TRPM3: variants seen among roughly 807,000 people sequenced by gnomAD.
TRPM3 encodes long transient receptor potential channel 3.
Under a neutral mutation model 181.2 loss-of-function variants are expected in TRPM3, and 77 were observed. The observed-to-expected ratio is 0.42, with a 90% CI of 0.35 to 0.51. TRPM3 has a LOEUF of 0.51. TRPM3 is among the 20% of genes least tolerant of loss of function. The pLI, the probability that TRPM3 is intolerant of heterozygous loss-of-function variation, is 0.01. For missense variants in TRPM3, 1,759 were observed against 2,196.7 expected (o/e 0.80, Z 3.98); for synonymous variants, 745 against 796.4 (o/e 0.94, Z 1.09).
At chr9:71,385,570 T>C (rs545541840) in intron 1 of TRPM3, among the ~76,000 whole-genome samples, 6 of 152,342 alleles carry the variant, frequency 3.9e-5, no homozygotes, top group Admixed American at 2.0e-4. Flanking sequence ...CACAATCATG[T>C]TGCAACCAGA....
At chr9:70,898,947 G>A (rs2096340573) in intron 1 of TRPM3, among the ~76,000 whole-genome samples, 1 of 152,028 alleles carries the variant, frequency 6.6e-6, no homozygotes, top group Admixed American at 6.6e-5. Context: ...GGAAACCTTT[G>A]CTTAATTGGT....
intron 1 of TRPM3, among the ~76,000 whole-genome samples, chr9:70,872,544 G>A (rs750781866): frequency 4.6e-5 from 7 of 151,890 alleles, no homozygotes; most frequent in East Asian, 1.9e-4. Flanking sequence ...AAAGCACACC[G>A]TGTCATTATT....
intron 1 of TRPM3, among the ~76,000 whole-genome samples, chr9:71,399,663 G>A (rs2093294457): frequency 6.6e-6 from 1 of 151,196 alleles, no homozygotes; most frequent in South Asian, 2.1e-4. Flanking sequence ...CAAGTAGCTG[G>A]GACTACAGGC....
At chr9:70,949,764 G>A (rs1365558648) in intron 1 of TRPM3, among the ~76,000 whole-genome samples, 3 of 152,048 alleles carry the variant, frequency 2.0e-5, no homozygotes, top group Non-Finnish European at 4.4e-5. Context: ...AAAAAATAAC[G>A]GGATGAGCAT....
intron 1 of TRPM3, among the ~76,000 whole-genome samples, chr9:70,974,154 C>T (rs979470133): frequency 2.0e-5 from 3 of 152,082 alleles, no homozygotes; most frequent in Non-Finnish European, 4.4e-5. Flanking sequence ...CTTACTGAAG[C>T]ATTATACCTG....
intron 7 of TRPM3, among the ~76,000 whole-genome samples, chr9:70,768,176 T>C (rs1026337206): frequency 1.3e-5 from 2 of 152,218 alleles, no homozygotes; most frequent in Non-Finnish European, 2.9e-5. Context: ...CAGATCATTA[T>C]AATGAGAACC....
At chr9:70,632,406 A>T (rs1347523935) in intron 12 of TRPM3, among the ~76,000 whole-genome samples, 1 of 151,886 alleles carries the variant, frequency 6.6e-6, no homozygotes, top group East Asian at 1.9e-4. Flanking sequence ...AGGCCTTGTG[A>T]CTCCTGTGAC....
In TRPM3 at chr9:70,761,257, G is replaced by A. The variant is rs144533047; in HGVS notation, c.1272+344C>T. On this transcript the variant is annotated intron_variant, in intron 8 of 25. Coordinates refer to ENST00000677713, the MANE Select transcript of TRPM3 (RefSeq NM_001366145.2). ...CACCTCAGTGGTTCATGACTTCCAA[G>A]CAAAATGAAATCCGAAACCTAAGAA... The A allele has an allele frequency of 1.5e-5, 9 of 596,628 alleles. No individual in the cohort carries two copies. The East Asian group carries it at 2.2e-4, about 15-fold the overall frequency. The allele number at this position is 596,628 out of a possible 1,614,324, so 37.0% of individuals were successfully genotyped here. A position where few individuals can be genotyped will look rare whatever the true frequency, so the allele number is the denominator to read the frequency against.
intron 1 of TRPM3, among the ~76,000 whole-genome samples, chr9:71,041,019 T>A (rs867102136): frequency 2.0e-5 from 3 of 152,102 alleles, no homozygotes; most frequent in South Asian, 2.1e-4. Context: ...AGAAAGACAT[T>A]TTGGGATGAT....
At chr9:70,966,049 A>AC (rs200329411) in intron 1 of TRPM3, among the ~76,000 whole-genome samples, 1 of 151,524 alleles carries the variant, frequency 6.6e-6, no homozygotes, top group Non-Finnish European at 1.5e-5. Context: ...AAAAAAAAAA[A>AC]CCACAAAGAA....
chr9:70,920,412 A>G (rs929267405), intron 1 of TRPM3, among the ~76,000 whole-genome samples: 3 of 152,186 alleles, frequency 2.0e-5, no homozygotes, highest in Non-Finnish European at 4.4e-5. Flanking sequence ...TGTGATAATA[A>G]AATAAAAAGA....
intron 1 of TRPM3, among the ~76,000 whole-genome samples, chr9:71,087,630 A>C (rs533470075): frequency 1.3e-5 from 2 of 152,188 alleles, no homozygotes; most frequent in South Asian, 4.2e-4. Flanking sequence ...GACTGGGTAC[A>C]TTCTTTATTA....
chr9:70,959,568 G>T (rs1241558519), intron 1 of TRPM3, among the ~76,000 whole-genome samples: 1 of 152,110 alleles, frequency 6.6e-6, no homozygotes, highest in East Asian at 1.9e-4. Context: ...GCTTCTGTTT[G>T]TTGTTGTTTT....
chr9:71,218,110 C>T (rs531507165), intron 1 of TRPM3, among the ~76,000 whole-genome samples: 6 of 152,230 alleles, frequency 3.9e-5, no homozygotes, highest in South Asian at 2.1e-4. Context: ...AGAAAAGGGA[C>T]GTGGTTATTT....
chr9:70,646,318 C>A (rs1375607798), intron 9 of TRPM3, among the ~76,000 whole-genome samples: 1 of 152,166 alleles, frequency 6.6e-6, no homozygotes, highest in Non-Finnish European at 1.5e-5. Context: ...TGGAACCAAC[C>A]CCAGTGCCCA....
intron 1 of TRPM3, among the ~76,000 whole-genome samples, chr9:71,187,382 T>C (rs2077739053): frequency 6.6e-6 from 1 of 151,988 alleles, no homozygotes; most frequent in Admixed American, 6.6e-5. Flanking sequence ...ACCCACTTCT[T>C]ATTCCTCCAC....
At chr9:71,142,017 G>A (rs974382551) in intron 1 of TRPM3, among the ~76,000 whole-genome samples, 46 of 152,126 alleles carry the variant, frequency 3.0e-4, no homozygotes, top group African/African-American at 8.4e-4. Flanking sequence ...GTTTCCATAA[G>A]TAAGTAGAAA....
intron 1 of TRPM3, among the ~76,000 whole-genome samples, chr9:71,025,612 T>C (rs1460563280): frequency 6.6e-6 from 1 of 152,200 alleles, no homozygotes; most frequent in African/African-American, 2.4e-5. Context: ...ATATACACAA[T>C]ATGTAGCGCG....
At chr9:71,339,802 A>G (rs912137717) in intron 1 of TRPM3, among the ~76,000 whole-genome samples, 25 of 152,234 alleles carry the variant, frequency 1.6e-4, no homozygotes, top group African/African-American at 4.8e-4. Flanking sequence ...GAGTTGTTCA[A>G]TATGAACTTT....
Sources: allele counts gnomAD v4.1 joint callset (sites outside exome capture counted in the v4.1 genomes callset), GRCh38; gene constraint gnomAD v4.1.1; transcripts MANE v1.5; gene names NCBI Gene and HGNC (gene_info 2026-07-23, HGNC 2026-07-21).